The following ADGRG2 variants were observed in gnomAD, a reference collection of about 807,000 sequenced individuals.
The protein encoded by ADGRG2 is G protein-coupled receptor 64.
A neutral mutation model predicts 74.1 loss-of-function variants in ADGRG2; 26 were observed. That is an observed-to-expected ratio of 0.35 (90% CI 0.26 to 0.49). The LOEUF (loss-of-function observed/expected upper bound fraction) is 0.49. Among genes scored for constraint, ADGRG2 ranks in the 20% least tolerant of loss-of-function variants. The pLI is 0.99. For missense variants in ADGRG2, 619 were observed against 763.1 expected (o/e 0.81, Z 2.22); for synonymous variants, 296 against 295.2 (o/e 1.00, Z -0.03).
chrX:19,114,554 C>T (rs1490315503), intron 1 of ADGRG2, among the ~76,000 whole-genome samples: 1 of 110,772 alleles, frequency 9.0e-6, no homozygotes, highest in Admixed American at 9.6e-5. Flanking sequence ...ATGCTTGGGC[C>T]GGATCACTGT....
At chrX:19,021,819 T>G (rs2060595356) in intron 13 of ADGRG2, among the ~76,000 whole-genome samples, 1 of 109,920 alleles carries the variant, frequency 9.1e-6, no homozygotes, top group Admixed American at 9.6e-5. Flanking sequence ...CACTAATTTT[T>G]GTATTTTCAT....
intron 26 of ADGRG2, among the ~76,000 whole-genome samples, chrX:18,998,595 T>C (rs1335626704): frequency 3.8e-5 from 4 of 104,613 alleles, no homozygotes; most frequent in African/African-American, 1.4e-4. Flanking sequence ...GTTTCACAGA[T>C]AGTACTTTTT....
intron 17 of ADGRG2, among the ~76,000 whole-genome samples, chrX:19,009,998 A>G (rs2060319826): frequency 9.0e-6 from 1 of 111,049 alleles, no homozygotes; most frequent in Non-Finnish European, 1.9e-5. Context: ...TTTAGTAGAG[A>G]CGGGGTTTCA....
intron 1 of ADGRG2, among the ~76,000 whole-genome samples, chrX:19,109,197 G>GC (rs1211061733): frequency 1.8e-5 from 2 of 111,233 alleles, no homozygotes; most frequent in Non-Finnish European, 3.8e-5. Flanking sequence ...GAGTAATGGC[G>GC]CCCAGCTCTT....
intron 8 of ADGRG2, 72 bp from the exon 9 acceptor site, chrX:19,031,109 A>G (rs2060815818): frequency 1.4e-6 from 1 of 729,819 alleles, no homozygotes; most frequent in East Asian, 3.2e-5. Flanking sequence ...TGTCAAGAGA[A>G]TTCATAAACG....
intron 19 of ADGRG2, among the ~76,000 whole-genome samples, chrX:19,007,640 C>A (rs1352215384): frequency 9.0e-6 from 1 of 111,635 alleles, no homozygotes; most frequent in Admixed American, 9.5e-5. Flanking sequence ...CCGTGTGTCC[C>A]CAAGCAAGTC....
At chrX:19,055,858 C>T (rs1469842185) in intron 3 of ADGRG2, among the ~76,000 whole-genome samples, 6 of 109,698 alleles carry the variant, frequency 5.5e-5, no homozygotes, top group African/African-American at 2.0e-4. Context: ...CTCAGTCTCC[C>T]AAGTAGCCAG....
At chrX:19,086,780 C>T (rs2061941773) in intron 1 of ADGRG2, among the ~76,000 whole-genome samples, 1 of 111,734 alleles carries the variant, frequency 8.9e-6, no homozygotes, top group Non-Finnish European at 1.9e-5. Context: ...CCATGACATA[C>T]AGCATCCTGG....
Sources: gnomAD v4.1 joint callset for allele counts (sites outside exome capture counted in the v4.1 genomes callset) on GRCh38, gnomAD v4.1.1 for gene constraint, MANE v1.5 for transcripts, NCBI Gene and HGNC (gene_info 2026-07-23, HGNC 2026-07-21) for gene names.